SYN3: variants seen among roughly 807,000 people sequenced by gnomAD.
SYN3 encodes synapsin III.
In SYN3, 35 loss-of-function variants were observed where a neutral mutation model predicts 65.8. The ratio of observed to expected loss-of-function variants is 0.53; its 90% CI spans 0.41 to 0.70. The LOEUF (loss-of-function observed/expected upper bound fraction) is 0.70. Ranked by LOEUF, SYN3 falls within the 30% of genes least tolerant of loss-of-function variation. SYN3 has a pLI of 0.00. For missense variants in SYN3, 680 were observed against 749.0 expected, an observed-to-expected ratio of 0.91 and a Z score of 1.08; for synonymous variants, 270 against 292.9, an observed-to-expected ratio of 0.92 and a Z score of 0.80.
intron 6 of SYN3, chr22:32,849,375 C>G: frequency 2.3e-6 from 3 of 1,278,006 alleles, no homozygotes; most frequent in East Asian, 2.5e-5. Context: ...CAGAGGCTAG[C>G]GTGCCCGCCC....
At chr22:32,611,298 T>G (rs945276357) in intron 6 of SYN3, among the ~76,000 whole-genome samples, 24 of 141,136 alleles carry the variant, frequency 1.7e-4, no homozygotes, top group Non-Finnish European at 3.1e-4. Context: ...TTTTTTTTTT[T>G]TTTTTTTGTG....
intron 6 of SYN3, among the ~76,000 whole-genome samples, chr22:32,764,619 G>A (rs2045575813): frequency 6.6e-6 from 1 of 152,106 alleles, no homozygotes; most frequent in Non-Finnish European, 1.5e-5. Context: ...CTCTGGCTGT[G>A]GATTTACATA....
At chr22:33,008,729 C>G (rs2053261696) in intron 1 of SYN3, among the ~76,000 whole-genome samples, 2 of 151,830 alleles carry the variant, frequency 1.3e-5, no homozygotes, top group African/African-American at 4.8e-5. Flanking sequence ...GCCTGGCCAA[C>G]AAGGCAAAAC....
chr22:32,905,886 G>A (rs1273610392), intron 4 of SYN3, among the ~76,000 whole-genome samples: 1 of 152,236 alleles, frequency 6.6e-6, no homozygotes, highest in South Asian at 2.1e-4. Flanking sequence ...GGTATCCTGA[G>A]GAAACCTCAG....
intron 6 of SYN3, among the ~76,000 whole-genome samples, chr22:32,761,871 A>C (rs574777220): frequency 6.6e-5 from 10 of 152,214 alleles, no homozygotes; most frequent in African/African-American, 9.6e-5. Context: ...AATTTTCCTT[A>C]AAATAACTGC....
At chr22:32,673,005 G>A (rs1364299892) in intron 6 of SYN3, among the ~76,000 whole-genome samples, 1 of 152,208 alleles carries the variant, frequency 6.6e-6, no homozygotes, top group Non-Finnish European at 1.5e-5. Context: ...CCCTTTGGAG[G>A]GCCCCAGATG....
intron 6 of SYN3, among the ~76,000 whole-genome samples, chr22:32,843,871 A>G (rs925644780): frequency 1.3e-5 from 2 of 152,092 alleles, no homozygotes; most frequent in Non-Finnish European, 2.9e-5. Flanking sequence ...TTTAAAAACC[A>G]TGCCTTAAAG....
At chr22:32,637,396 C>T (rs1389193491) in intron 6 of SYN3, among the ~76,000 whole-genome samples, 1 of 152,166 alleles carries the variant, frequency 6.6e-6, no homozygotes, top group Admixed American at 6.5e-5. Flanking sequence ...CTGCCGAATA[C>T]ACAGTCTGCG....
Position 32,594,768 on chromosome 22 carries a change from G to A in SYN3, c.774+1906C>T, listed in dbSNP as rs375950336. Among the ~76,000 whole-genome samples the A allele has an allele frequency of 2.1e-4, 32 of 152,306 alleles. No individual in the cohort carries two copies. The South Asian group carries it at 5.6e-3, about 27-fold the overall frequency. ...CTCCCAAAGTTCTGGGATTATAGGC[G>A]TGAGCCACCACGCCCAGCTGACCCA... On this transcript the variant is annotated intron_variant, in intron 7 of 13. Coordinates refer to ENST00000358763, the MANE Select transcript of SYN3 (RefSeq NM_003490.4).
chr22:32,819,090 G>A (rs2047165857), intron 6 of SYN3, among the ~76,000 whole-genome samples: 1 of 152,260 alleles, frequency 6.6e-6, no homozygotes, highest in Non-Finnish European at 1.5e-5. Flanking sequence ...CTGCCACTTG[G>A]CCAGGGGGTC....
intron 3 of SYN3, among the ~76,000 whole-genome samples, chr22:32,943,680 A>C (rs1389696183): frequency 1.3e-5 from 2 of 152,206 alleles, no homozygotes; most frequent in African/African-American, 4.8e-5. Flanking sequence ...AAGACCCATC[A>C]GTGTGCTGTA....
intron 1 of SYN3, among the ~76,000 whole-genome samples, chr22:33,047,360 A>G (rs1037450840): frequency 6.6e-6 from 1 of 152,204 alleles, no homozygotes; most frequent in African/African-American, 2.4e-5. Context: ...CGAACACTCA[A>G]TAATGAAACT....
chr22:32,900,329 C>T (rs1276902688), intron 4 of SYN3, among the ~76,000 whole-genome samples: 1 of 152,224 alleles, frequency 6.6e-6, no homozygotes, highest in Non-Finnish European at 1.5e-5. Context: ...TTCATCTTTT[C>T]AGCCCTGAAG....
chr22:32,809,982 A>G (rs191155563), intron 6 of SYN3, among the ~76,000 whole-genome samples: 5 of 152,334 alleles, frequency 3.3e-5, no homozygotes, highest in Non-Finnish European at 5.9e-5. Context: ...TGCCTGGGAT[A>G]GACAGCAGGT....
intron 4 of SYN3, among the ~76,000 whole-genome samples, chr22:32,878,600 GCCT>G (rs2049041842): frequency 6.6e-6 from 1 of 152,178 alleles, no homozygotes; most frequent in Admixed American, 6.5e-5. Context: ...AGTGAGGTGG[GCCT>G]CTTCGGTTTT....
At position 33,006,570 on chromosome 22, in the gene SYN3, G is replaced by A. The variant is rs2053203715; in HGVS notation, c.93C>T (p.Ser31=). 3.1e-6 allele frequency: 5 copies of A among 1,614,158 alleles called. No homozygotes were observed. The East Asian group carries it at 8.9e-5, about 29-fold the overall frequency. The change falls in exon 2 of 14, where the codon TCC becomes TCT. Residue 31 remains serine (S), a synonymous_variant. Coordinates refer to ENST00000358763, the MANE Select transcript of SYN3 (RefSeq NM_003490.4). ...TGGCGGGGGAAGCAGGTGAGCTGGT[G>A]GAGCTATCTGGGCGTTGCAGGTCCG... ...YMTDLQRPDS[S]TSSPASPAME... is the part of the protein sequence containing the mutation.
intron 6 of SYN3, among the ~76,000 whole-genome samples, chr22:32,772,698 T>G (rs2045805932): frequency 6.6e-6 from 1 of 152,042 alleles, no homozygotes; most frequent in African/African-American, 2.4e-5. Flanking sequence ...AGACAAAAAA[T>G]GATTAGTGTA....
At chr22:32,879,101 G>A (rs1208953288) in intron 4 of SYN3, among the ~76,000 whole-genome samples, 3 of 151,968 alleles carry the variant, frequency 2.0e-5, no homozygotes, top group Non-Finnish European at 4.4e-5. Flanking sequence ...TTTGAAAACA[G>A]TCTTTGAAAA....
chr22:32,780,385 C>T (rs2046011698), intron 6 of SYN3, among the ~76,000 whole-genome samples: 1 of 152,172 alleles, frequency 6.6e-6, no homozygotes, highest in African/African-American at 2.4e-5. Flanking sequence ...AGAGCAGCAC[C>T]TGAGTTGACT....
Sources: allele counts gnomAD v4.1 joint callset (sites outside exome capture counted in the v4.1 genomes callset), GRCh38; gene constraint gnomAD v4.1.1; transcripts MANE v1.5; gene names NCBI Gene and HGNC (gene_info 2026-07-23, HGNC 2026-07-21).